The following PPP2R5D variants were observed in gnomAD, a reference collection of about 807,000 sequenced individuals.
The protein encoded by PPP2R5D is protein phosphatase 2 regulatory subunit B'delta.
Under a neutral mutation model 79.1 loss-of-function variants are expected in PPP2R5D, and 12 were observed. The ratio of observed to expected loss-of-function variants is 0.15; its 90% confidence interval spans 0.10 to 0.25. The LOEUF is 0.25. PPP2R5D is among the 10% of genes least tolerant of loss of function. The pLI is 1.00. For synonymous variants in PPP2R5D, 277 were observed against 286.6 expected (o/e 0.97, Z 0.34); for missense variants, 419 against 760.2 (o/e 0.55, Z 5.28).
chr6:43,004,569 C>CTTTTTT (rs56194066), intron 2 of PPP2R5D, among the ~76,000 whole-genome samples: 1 of 125,104 alleles, frequency 8.0e-6, no homozygotes, highest in African/African-American at 3.1e-5. Context: ...TCTTTTCCTA[C>CTTTTTT]TTTTTTTTTT....
chr6:43,000,038 C>T (rs187006886), intron 2 of PPP2R5D, among the ~76,000 whole-genome samples: 150 of 151,940 alleles, frequency 9.9e-4, no homozygotes, highest in Admixed American at 3.4e-3. Context: ...CAGGTTCAAG[C>T]GATTCTCCTG....
At chr6:42,990,332 C>T (rs1216208569) in intron 2 of PPP2R5D, among the ~76,000 whole-genome samples, 5 of 152,152 alleles carry the variant, frequency 3.3e-5, no homozygotes, top group Non-Finnish European at 5.9e-5. Context: ...ACATACACAG[C>T]GAGCATCCAC....
intron 2 of PPP2R5D, among the ~76,000 whole-genome samples, chr6:43,001,153 CCTTTT>C (rs1018694998): frequency 2.6e-5 from 4 of 152,168 alleles, no homozygotes; most frequent in Non-Finnish European, 4.4e-5. Context: ...TGATTTTCTT[CCTTTT>C]CTTTTTCTTT....
intron 2 of PPP2R5D, among the ~76,000 whole-genome samples, chr6:42,996,810 G>A (rs1472988009): frequency 2.0e-5 from 3 of 152,224 alleles, no homozygotes; most frequent in African/African-American, 7.2e-5. Context: ...AGCTCTGGAT[G>A]TCACTACTGG....
In PPP2R5D at chr6:43,009,420, C is replaced by G; in HGVS notation, c.1350C>G (p.Leu450=). The G allele has an allele frequency of 2.5e-6, 4 of 1,614,110 alleles. No individual in the cohort carries two copies. Among genetic ancestry groups the G allele is most frequent in the Non-Finnish European group, 3.4e-6 (4 of 1,180,014 alleles). ...ARVLPIMFPA[L]YRNSKSHWNK... ...TCCTCCCCATCATGTTCCCTGCACT[C>G]TACAGGAACTCCAAGAGCCACTGGA... Residue 450 remains leucine (L), a synonymous_variant, in exon 12 of 16, where the codon CTC becomes CTG. Coordinates refer to ENST00000485511, the MANE Select transcript of PPP2R5D (RefSeq NM_006245.4). The surrounding 1 kb of genome is among the most constrained non-coding windows in gnomAD (Gnocchi z 5.6).
In PPP2R5D at chr6:43,008,013, T is replaced by A; in HGVS notation, c.805T>A (p.Phe269Ile). The A allele has an allele frequency of 1.9e-6, 3 of 1,614,078 alleles. No individual in the cohort carries two copies. The highest frequency in any genetic ancestry group is 2.5e-6 in the Non-Finnish European group (3 of 1,180,012). The change falls in exon 7 of 16, where the codon TTT (phenylalanine) becomes ATT (isoleucine). Residue 269 changes from phenylalanine (F) to isoleucine (I), a missense_variant. Physicochemically the swap from Phe to Ile is conservative, Grantham distance 21. Transcript: ENST00000485511. The surrounding 1 kb of genome is among the most constrained non-coding windows in gnomAD (Gnocchi z 4.2). ...KTILHRIYGKFLGLRAYIRRQ... is the reference protein window; with the variant it reads ...KTILHRIYGKILGLRAYIRRQ... Reference sequence around the variant, plus strand: ...CATTTTGCATCGCATCTATGGCAAGTTTTTGGGGCTCCGGGCTTATATCCG... The same window carrying A: ...CATTTTGCATCGCATCTATGGCAAGATTTTGGGGCTCCGGGCTTATATCCG...
intron 2 of PPP2R5D, among the ~76,000 whole-genome samples, chr6:42,995,127 T>TTTC (rs1491226860): frequency 5.7e-4 from 52 of 91,858 alleles, no homozygotes; most frequent in African/African-American, 5.0e-3. Context: ...TTTTTCTTTC[T>TTTC]TTTTTTTTTT....
At position 43,011,238 on chromosome 6, in the gene PPP2R5D, G is replaced by A. The variant is rs768076945; in HGVS notation, c.1761G>A (p.Ala587=). The change falls in exon 16 of 16, where the codon GCG becomes GCA. Residue 587 remains alanine, a synonymous_variant. Transcript: ENST00000485511. ...QDVYTIKALE[A]HKRAEEFLTA... ...TGTACACCATCAAGGCACTGGAGGC[G>A]CACAAGCGGGCGGAAGAGTTCCTAA... 19 of 1,613,956 alleles carry A rather than the reference G, an allele frequency of 1.2e-5. No homozygotes were observed. Among genetic ancestry groups the A allele is most frequent in the African/African-American group, 2.7e-5 (2 of 74,884 alleles).
intron 2 of PPP2R5D, among the ~76,000 whole-genome samples, chr6:42,996,405 A>C (rs1771695297): frequency 6.6e-6 from 1 of 151,554 alleles, no homozygotes; most frequent in African/African-American, 2.4e-5. Flanking sequence ...CGGAGCTTGC[A>C]GTGAGCCGAG....
At position 43,006,982 on chromosome 6, in the gene PPP2R5D, G is replaced by A. The variant is rs1437337804; in HGVS notation, c.394G>A (p.Val132Met). 3.1e-6 allele frequency: 5 copies of A among 1,614,150 alleles called. No homozygotes were observed. The highest frequency in any genetic ancestry group is 1.1e-5 in the South Asian group (1 of 91,078). ...LRQCCVLFDFVSDPLSDLKFK... is the reference protein window; with the variant it reads ...LRQCCVLFDFMSDPLSDLKFK... ...CCAGTGCTGTGTCCTCTTTGACTTC[G>A]TGTCAGACCCACTCAGTGACCTCAA... Residue 132 changes from valine to methionine, a missense_variant, in exon 4 of 16, where the codon GTG becomes ATG. Val to Met is a conservative substitution (Grantham distance 21, BLOSUM62 1). Around this residue, in one of 5 missense-constraint regions of PPP2R5D, gnomAD observed 29 missense variants for 64.2 expected, o/e 0.45. Transcript: ENST00000485511. The surrounding 1 kb of genome is among the most constrained non-coding windows in gnomAD (Gnocchi z 4.7).
chr6:43,011,517 T>A lies in PPP2R5D; in HGVS notation c.*231T>A. On this transcript the variant is annotated 3_prime_UTR_variant, in exon 16 of 16. Coordinates refer to ENST00000485511, the MANE Select transcript of PPP2R5D (RefSeq NM_006245.4). ...TAGTACAGGCTGAGCACTAAGATGC[T>A]TAGTGCTCAGACAACCTGGGGATGC... 1.7e-6 allele frequency: 1 copy of A among 585,016 alleles called. No individual in the cohort carries two copies. Among genetic ancestry groups the A allele is most frequent in the Non-Finnish European group, 3.0e-6 (1 of 334,406 alleles). The allele number at this position is 585,016 out of a possible 1,614,324, so 36.2% of individuals were successfully genotyped here.
chr6:43,003,722 TTATG>T (rs993875256), intron 2 of PPP2R5D, among the ~76,000 whole-genome samples: 3 of 152,112 alleles, frequency 2.0e-5, no homozygotes, highest in African/African-American at 4.8e-5. Context: ...TATTTTTTTT[TTATG>T]TATGTATGTA....
intron 2 of PPP2R5D, among the ~76,000 whole-genome samples, chr6:43,001,747 C>G (rs139356122): frequency 0.021 from 3,243 of 151,850 alleles, 53 homozygotes; most frequent in South Asian, 0.06. Flanking sequence ...ATTAGCCGGG[C>G]GTGGTGGCAC....
intron 2 of PPP2R5D, among the ~76,000 whole-genome samples, chr6:43,004,390 GT>G (rs1761943600): frequency 1.3e-5 from 2 of 152,196 alleles, no homozygotes; most frequent in East Asian, 3.9e-4. Flanking sequence ...TAGGCCTTTT[GT>G]TTTATTTCAA....
chr6:43,000,260 T>G (rs1561845401), intron 2 of PPP2R5D, among the ~76,000 whole-genome samples: 1 of 139,600 alleles, frequency 7.2e-6, no homozygotes, highest in African/African-American at 2.7e-5. Context: ...TTTTTTGAGA[T>G]AGAGTCTTGC....
At chr6:43,001,303 G>A (rs1050139250) in intron 2 of PPP2R5D, among the ~76,000 whole-genome samples, 3 of 152,134 alleles carry the variant, frequency 2.0e-5, no homozygotes, top group African/African-American at 7.2e-5. Flanking sequence ...CACCTCGCCC[G>A]GCTAACTGTA....
chr6:42,998,120 G>T (rs1771924890), intron 2 of PPP2R5D, among the ~76,000 whole-genome samples: 1 of 118,258 alleles, frequency 8.5e-6, no homozygotes, highest in African/African-American at 3.3e-5. Context: ...TGTCACCCGG[G>T]CTGGAGTGCA....
At chr6:43,003,373 C>T (rs1761883551) in intron 2 of PPP2R5D, among the ~76,000 whole-genome samples, 1 of 152,026 alleles carries the variant, frequency 6.6e-6, no homozygotes, top group African/African-American at 2.4e-5. Context: ...AGTGAGCCAA[C>T]ATTCTGCCAC....
At position 42,995,126 on chromosome 6, in the gene PPP2R5D, C is replaced by CTTTTTTTTTTTTTTTTTTTTT. The variant is rs889250251; in HGVS notation, c.105+5439_105+5459dup. ...TTGTGTCCCACCGAACTTTTTCTTTCTTTTTTTTTTTTTTTTTTTTTGGAG... is the reference window on the plus strand; with the variant it reads ...TTGTGTCCCACCGAACTTTTTCTTTCTTTTTTTTTTTTTTTTTTTTTTTTTTTTTTTTTTTTTTTTTTGGAG... On this transcript the variant is annotated intron_variant, in intron 2 of 15. Transcript: ENST00000485511. Among the ~76,000 whole-genome samples the CTTTTTTTTTTTTTTTTTTTTT allele has an allele frequency of 7.3e-4, 78 of 106,346 alleles. 6 individuals are homozygous for CTTTTTTTTTTTTTTTTTTTTT. The highest frequency in any genetic ancestry group is 2.7e-3 in the African/African-American group (65 of 24,064). The allele number at this position is 106,346 out of a possible 152,430, so 69.8% of individuals were successfully genotyped here.
Sources: gnomAD v4.1 joint callset for allele counts (sites outside exome capture counted in the v4.1 genomes callset) on GRCh38, gnomAD v4.1.1 for gene constraint, gnomAD v4.1.1 regional missense constraint, Gnocchi (gnomAD v3.1) non-coding constraint, MANE v1.5 for transcripts, NCBI Gene and HGNC (gene_info 2026-07-23, HGNC 2026-07-21) for gene names.